Variants in SYMPK observed in about 807,000 individuals in gnomAD.
The protein encoded by SYMPK is symplekin scaffold protein, also known as symplekin.
SYMPK carries 49 observed loss-of-function variants against 136.4 expected under a neutral mutation model. The observed-to-expected ratio is 0.36, with a 90% CI of 0.29 to 0.46. SYMPK has a LOEUF of 0.46. Among genes scored for constraint, SYMPK ranks in the 20% least tolerant of loss-of-function variants. SYMPK has a pLI of 1.00. For missense variants in SYMPK, 1,365 were observed against 1,690.0 expected (o/e 0.81, Z 3.37); for synonymous variants, 766 against 713.0 (o/e 1.07, Z -1.19).
Position 45,829,007 on chromosome 19 carries a change from A to C in SYMPK, c.1948T>G (p.Leu650Val). ...TCTGGTTTCTCCTGCAGGCCAGACA[A>C]CAGGCGGATGAGGCAGTCCTCATAC... ...DKYEDCLIRL[L>V]SGLQEKPDQK... Residue 650 changes from leucine to valine, a missense_variant, in exon 14 of 27, where the codon TTG (leucine) becomes GTG (valine). By Grantham distance (32) the Leu-to-Val change is conservative. Transcript: ENST00000245934. 6.2e-7 allele frequency: 1 copy of C among 1,614,208 alleles called. No homozygotes were observed. Among genetic ancestry groups the C allele is most frequent in the Non-Finnish European group, 8.5e-7 (1 of 1,180,042 alleles).
At chr19:45,816,686 G>T in intron 24 of SYMPK, 109 bp from the exon 25 acceptor site, 3 of 1,523,006 alleles carry the variant, frequency 2.0e-6, no homozygotes, top group Non-Finnish European at 1.8e-6. Flanking sequence ...AGCAGTGCAG[G>T]GCCTTCTTGT....
At chr19:45,854,350 G>A in intron 2 of SYMPK, 41 bp downstream of exon 2, 4 of 1,608,898 alleles carry the variant, frequency 2.5e-6, no homozygotes, top group East Asian at 4.5e-5. Context: ...CAAAGCCAGG[G>A]GCTATGCTTC....
rs1970700756 is a variant in SYMPK at position 45,815,462 on chromosome 19, C to A, written c.*98G>T. ...TTCAGTAACTTGCCCAAGTTCACAT[C>A]TTTTATTTCTTTTTAAGGCAAAGCA... is the stretch of plus-strand genomic sequence containing the variant. On this transcript the variant is annotated 3_prime_UTR_variant, in exon 27 of 27. Coordinates refer to ENST00000245934, the MANE Select transcript of SYMPK (RefSeq NM_004819.3). 1.1e-5 allele frequency: 13 copies of A among 1,170,056 alleles called. No homozygotes were observed. The highest frequency in any genetic ancestry group is 1.4e-5 in the Non-Finnish European group (12 of 860,692). 72.5% of individuals were successfully genotyped at this position (1,170,056 alleles called of 1,614,324 possible).
chr19:45,822,115 C>T (rs1230512768), intron 21 of SYMPK, among the ~76,000 whole-genome samples: 3 of 86,096 alleles, frequency 3.5e-5, no homozygotes, highest in South Asian at 3.9e-4. Context: ...AGTTTTGCTT[C>T]TTTTTTTTTT....
At chr19:45,854,765 A>C in intron 1 of SYMPK, 1 of 498,824 alleles carries the variant, frequency 2.0e-6, no homozygotes, top group Non-Finnish European at 3.7e-6. Context: ...GGCCAACCAC[A>C]AACAGCTGCT....
Position 45,863,090 on chromosome 19 carries a change from CT to C in SYMPK, c.-46del. 2 of 402,994 alleles carry C rather than the reference CT, an allele frequency of 5.0e-6. No homozygotes were observed. Among genetic ancestry groups the C allele is most frequent in the Non-Finnish European group, 8.8e-6 (2 of 227,884 alleles). 25.0% of individuals were successfully genotyped at this position (402,994 alleles called of 1,614,324 possible). ...CTGGCCTCCGTTCCCCTCGCGCCCC[CT>C]CAGCAGTGCCTCTTCCTACACTCCG... On this transcript the variant is annotated 5_prime_UTR_variant, in exon 1 of 27. An upstream open reading frame in the 5' UTR loses its in-frame stop. Coordinates refer to ENST00000245934, the MANE Select transcript of SYMPK (RefSeq NM_004819.3).
At chr19:45,815,792 C>A (rs537857700) in intron 26 of SYMPK, 59 bp downstream of exon 26, 2 of 1,590,734 alleles carry the variant, frequency 1.3e-6, no homozygotes, top group East Asian at 2.3e-5. Context: ...CCTCCTCCCC[C>A]ACCTTCACCC....
Position 45,818,090 on chromosome 19 carries a change from C to T in SYMPK, c.2950G>A (p.Val984Met). 1 of 1,558,326 alleles carries T rather than the reference C, an allele frequency of 6.4e-7. No individual in the cohort carries two copies. The highest frequency in any genetic ancestry group is 8.7e-7 in the Non-Finnish European group (1 of 1,151,048). ...NVYTSEVLAV[V>M]MQQLMEQSPL... The stretch of plus-strand genomic sequence containing the variant: ...CTCTGCTCCATCAGCTGCTGCATCA[C>T]CACGGCCAGCACCTCTGACGTGTAC... The change falls in exon 23 of 27, where the codon GTG becomes ATG. Residue 984 changes from valine to methionine, a missense_variant. Around this residue, in one of 11 missense-constraint regions of SYMPK, gnomAD observed 156 missense variants for 217.8 expected, o/e 0.72. Transcript: ENST00000245934.
chr19:45,843,454 G>A (rs564065178), intron 8 of SYMPK, among the ~76,000 whole-genome samples: 1 of 152,078 alleles, frequency 6.6e-6, no homozygotes, highest in African/African-American at 2.4e-5. Flanking sequence ...CCTTTTGGTG[G>A]GGGGAGAGGA....
rs754319390 is a variant in SYMPK at position 45,823,465 on chromosome 19, G to T, written c.2607C>A (p.Pro869=). ...GGACCCGCTTCACCAGCTCTGGGGA[G>T]GGTGGGACTGCATGGAAGCAGCAGG... The part of the protein sequence containing the change: ...CLHSLTDKVP[P]SPELVKRVRD... Residue 869 remains proline, a synonymous_variant, in exon 20 of 27, where the codon CCC becomes CCA. Transcript: ENST00000245934. The T allele has an allele frequency of 1.9e-6, 3 of 1,613,750 alleles. No individual in the cohort carries two copies. Among genetic ancestry groups the T allele is most frequent in the Non-Finnish European group, 2.5e-6 (3 of 1,180,012 alleles).
At chr19:45,847,588 AG>A (rs557263464) in intron 7 of SYMPK, among the ~76,000 whole-genome samples, 163 bp downstream of exon 7, 7 of 152,172 alleles carry the variant, frequency 4.6e-5, no homozygotes, top group Non-Finnish European at 7.3e-5. Flanking sequence ...ATGATGAGTA[AG>A]CAGTGCAGCT....
Position 45,816,511 on chromosome 19 carries a change from T to G in SYMPK, c.3325A>C (p.Lys1109Gln). ...EASGKQEPEA[K>Q]EAPAGPLEED... is the part of the protein sequence containing the mutation. ...TCCAAGGGCCCCGCAGGCGCCTCCTTGGCCTCTGGCTCCTGCTTGCCGCTG... is the reference window on the plus strand; with the variant it reads ...TCCAAGGGCCCCGCAGGCGCCTCCTGGGCCTCTGGCTCCTGCTTGCCGCTG... The change falls in exon 25 of 27, where the codon AAG (lysine) becomes CAG (glutamine). Residue 1109 changes from lysine (K) to glutamine (Q), a missense_variant. Lys to Gln is a moderately conservative substitution (Grantham distance 53). Around this residue, in one of 11 missense-constraint regions of SYMPK, gnomAD observed 341 missense variants for 270.5 expected, o/e 1.26. Coordinates refer to ENST00000245934, the MANE Select transcript of SYMPK (RefSeq NM_004819.3). 1 of 1,613,460 alleles carries G rather than the reference T, an allele frequency of 6.2e-7. No individual in the cohort carries two copies. Among genetic ancestry groups the G allele is most frequent in the Non-Finnish European group, 8.5e-7 (1 of 1,179,958 alleles).
chr19:45,839,268 G>A (rs1971380221), intron 9 of SYMPK, among the ~76,000 whole-genome samples: 1 of 152,172 alleles, frequency 6.6e-6, no homozygotes, highest in South Asian at 2.1e-4. Flanking sequence ...CCTGGGCTCA[G>A]ACCTTGATTT....
At chr19:45,840,312 C>CA (rs546768442) in intron 9 of SYMPK, among the ~76,000 whole-genome samples, 920 of 56,812 alleles carry the variant, frequency 0.016, 27 homozygotes, top group East Asian at 0.041. Context: ...GAGACTGTCT[C>CA]AAAAAAAAAA....
At chr19:45,818,277 G>T in intron 22 of SYMPK, 131 bp from the exon 23 acceptor site, 1 of 945,048 alleles carries the variant, frequency 1.1e-6, no homozygotes. Context: ...GCCCCTGCGG[G>T]AGAGAGGAGA....
chr19:45,830,231 G>A (rs1397008614), intron 12 of SYMPK, 27 bp from the exon 13 acceptor site: 1 of 1,601,736 alleles, frequency 6.2e-7, no homozygotes, highest in Non-Finnish European at 8.5e-7. Context: ...TGACAGAGAT[G>A]CAGTGACCCA....
chr19:45,831,667 T>C, intron 11 of SYMPK, 79 bp from the exon 12 acceptor site: 2 of 1,279,510 alleles, frequency 1.6e-6, no homozygotes, highest in Non-Finnish European at 2.2e-6. Context: ...TGTGCCTGGC[T>C]CTGTTCTGAG....
In SYMPK at chr19:45,821,227, AGGAGGGAG is replaced by A; in HGVS notation, c.2893+149_2893+156del. 4.3e-6 allele frequency: 3 copies of A among 701,112 alleles called. No individual in the cohort carries two copies. Among genetic ancestry groups the A allele is most frequent in the East Asian group, 2.7e-5 (1 of 37,266 alleles). The allele number at this position is 701,112 out of a possible 1,614,324, so 43.4% of individuals were successfully genotyped here. On this transcript the variant is annotated intron_variant, in intron 22 of 26. Coordinates refer to ENST00000245934, the MANE Select transcript of SYMPK (RefSeq NM_004819.3). This position sits in a 1 kb window ranked among gnomAD's most constrained non-coding sequence, Gnocchi z 4.4. ...GAGGGAGGGAAGAGGAGGCAAGAAA[AGGAGGGAG>A]GGAGGGAGGTGGCTCTCCAGAGCTC...
chr19:45,862,804 AG>A (rs1282072608), intron 1 of SYMPK, among the ~76,000 whole-genome samples: 1 of 152,156 alleles, frequency 6.6e-6, no homozygotes. Context: ...CGGCTGTTAG[AG>A]GTGGGGGAAA....
Sources: gnomAD v4.1 joint callset for allele counts (sites outside exome capture counted in the v4.1 genomes callset) on GRCh38, gnomAD v4.1.1 for gene constraint, gnomAD v4.1.1 regional missense constraint, Gnocchi (gnomAD v3.1) non-coding constraint, MANE v1.5 for transcripts, NCBI Gene and HGNC (gene_info 2026-07-23, HGNC 2026-07-21) for gene names.